TSHZ2: variants seen among roughly 807,000 people sequenced by gnomAD.
TSHZ2 encodes teashirt homolog 2.
TSHZ2 carries 21 observed loss-of-function variants against 74.4 expected under a neutral mutation model. That is an observed-to-expected ratio of 0.28 (90% CI 0.20 to 0.41). The LOEUF (loss-of-function observed/expected upper bound fraction) is 0.41, where lower values mean the gene tolerates loss of function less well. Ranked by LOEUF, TSHZ2 falls within the 10% of genes least tolerant of loss-of-function variation. TSHZ2 has a pLI of 1.00. For missense variants in TSHZ2, 1,244 were observed against 1,293.5 expected, an observed-to-expected ratio of 0.96 and a Z score of 0.59; for synonymous variants, 540 against 515.3, an observed-to-expected ratio of 1.05 and a Z score of -0.65.
At chr20:53,180,168 G>A (rs1329098349) in intron 1 of TSHZ2, among the ~76,000 whole-genome samples, 2 of 152,208 alleles carry the variant, frequency 1.3e-5, no homozygotes, top group Non-Finnish European at 2.9e-5. Flanking sequence ...GGGAGAAAGG[G>A]AGGGCTTTGG....
rs573266112 is a variant in TSHZ2 at position 53,097,772 on chromosome 20, C to T, written c.40+124439C>T. On this transcript the variant is annotated intron_variant, in intron 1 of 2. Coordinates refer to ENST00000371497, the MANE Select transcript of TSHZ2 (RefSeq NM_173485.6). ...CCTTCACCACTCCATGTGTGTCCCT[C>T]CCGAAGCTGCAAGCTCAGCTGAAGA... 1.7e-4 allele frequency: 26 copies of T among 154,470 alleles called. No individual in the cohort carries two copies. The East Asian group carries it at 3.9e-3, about 23-fold the overall frequency. The allele number at this position is 154,470 out of a possible 1,614,324, so 9.6% of individuals were successfully genotyped here.
intron 1 of TSHZ2, among the ~76,000 whole-genome samples, chr20:53,050,101 GTGTATATATA>G (rs1455537312): frequency 1.2e-4 from 7 of 60,462 alleles, no homozygotes; most frequent in African/African-American, 8.7e-4. Flanking sequence ...ATGTATATGT[GTGTATATATA>G]TATATATATA....
At chr20:53,096,224 C>A (rs1022986954) in intron 1 of TSHZ2, among the ~76,000 whole-genome samples, 4 of 152,332 alleles carry the variant, frequency 2.6e-5, no homozygotes, top group Admixed American at 6.5e-5. Context: ...TCACTGCAAC[C>A]TCTGCCTCTT....
At chr20:53,449,953 G>C (rs550789564) in intron 2 of TSHZ2, among the ~76,000 whole-genome samples, 2 of 152,246 alleles carry the variant, frequency 1.3e-5, no homozygotes, top group East Asian at 3.9e-4. Flanking sequence ...GTTCTCTAAG[G>C]TCAGAGACCA....
At chr20:52,977,601 C>T (rs184921650) in intron 1 of TSHZ2, among the ~76,000 whole-genome samples, 135 of 152,164 alleles carry the variant, frequency 8.9e-4, no homozygotes, top group African/African-American at 3.1e-3. Flanking sequence ...ACATTTTGGA[C>T]GGAAATTGAT....
intron 1 of TSHZ2, among the ~76,000 whole-genome samples, chr20:53,204,271 A>G (rs1162358161): frequency 7.2e-6 from 1 of 139,746 alleles, no homozygotes; most frequent in Admixed American, 7.2e-5. Flanking sequence ...ATGATACTAT[A>G]TCATCATATA....
chr20:53,225,204 C>A (rs925626642), intron 1 of TSHZ2, among the ~76,000 whole-genome samples: 1 of 152,226 alleles, frequency 6.6e-6, no homozygotes, highest in African/African-American at 2.4e-5. Flanking sequence ...TTATTGACTT[C>A]TTAAGGGAAA....
intron 1 of TSHZ2, among the ~76,000 whole-genome samples, chr20:53,132,141 A>G (rs1449260625): frequency 6.6e-6 from 1 of 152,008 alleles, no homozygotes; most frequent in Non-Finnish European, 1.5e-5. Flanking sequence ...CTGTTCTGAC[A>G]TGCCCTTTCC....
intron 2 of TSHZ2, among the ~76,000 whole-genome samples, chr20:53,436,135 T>A (rs1160473542): frequency 6.6e-6 from 1 of 152,030 alleles, no homozygotes; most frequent in East Asian, 1.9e-4. Context: ...ATGGCTGGGC[T>A]GTTTTTTGTG....
At chr20:53,116,056 C>G (rs1986657456) in intron 1 of TSHZ2, among the ~76,000 whole-genome samples, 1 of 152,142 alleles carries the variant, frequency 6.6e-6, no homozygotes, top group South Asian at 2.1e-4. Flanking sequence ...TGCATTACTT[C>G]TCTTCCTTAT....
chr20:53,235,815 A>C (rs886386662), intron 1 of TSHZ2, among the ~76,000 whole-genome samples: 6 of 152,210 alleles, frequency 3.9e-5, no homozygotes, highest in African/African-American at 1.4e-4. Flanking sequence ...GATTTTAGCA[A>C]TTGAGTTAGT....
chr20:53,242,247 G>A lies in TSHZ2; in HGVS notation c.41-11252G>A, dbSNP rs540788374. ...CTACCTGCCAGATACCAGCAACACC[G>A]CTTCTCTAGGTATAGCAACCAAAAA... On this transcript the variant is annotated intron_variant, in intron 1 of 2. Transcript: ENST00000371497. Among the ~76,000 whole-genome samples, 8 of 152,158 alleles carry A rather than the reference G, an allele frequency of 5.3e-5. No individual in the cohort carries two copies. The South Asian group carries it at 6.2e-4, about 12-fold the overall frequency.
At chr20:53,374,988 G>A (rs948061949) in intron 2 of TSHZ2, among the ~76,000 whole-genome samples, 1 of 150,050 alleles carries the variant, frequency 6.7e-6, no homozygotes, top group African/African-American at 2.5e-5. Context: ...TGAAACTATA[G>A]TTTTTATGGG....
intron 2 of TSHZ2, among the ~76,000 whole-genome samples, chr20:53,467,103 G>A (rs1193859338): frequency 1.3e-5 from 2 of 152,200 alleles, no homozygotes; most frequent in Non-Finnish European, 2.9e-5. Context: ...ACTGAGGAAG[G>A]CAGAGCTTCT....
intron 2 of TSHZ2, among the ~76,000 whole-genome samples, chr20:53,395,828 T>C (rs749810863): frequency 6.6e-6 from 1 of 152,180 alleles, no homozygotes; most frequent in Non-Finnish European, 1.5e-5. Context: ...GGTCAACCTA[T>C]GGAATGTTAA....
At chr20:53,368,600 T>C (rs1949689891) in intron 2 of TSHZ2, among the ~76,000 whole-genome samples, 1 of 152,184 alleles carries the variant, frequency 6.6e-6, no homozygotes. Flanking sequence ...CGTGAGCCTG[T>C]GCACCTGGCC....
At chr20:53,217,010 C>A (rs1461225973) in intron 1 of TSHZ2, among the ~76,000 whole-genome samples, 2 of 152,140 alleles carry the variant, frequency 1.3e-5, no homozygotes, top group Non-Finnish European at 2.9e-5. Context: ...CCTGAGCGGG[C>A]CCGTTTGTTA....
chr20:53,286,886 T>TACACACACACAC (rs71194467), intron 2 of TSHZ2, among the ~76,000 whole-genome samples: 41 of 139,532 alleles, frequency 2.9e-4, no homozygotes, highest in African/African-American at 1.0e-3. Flanking sequence ...GTCTCAAAAA[T>TACACACACACAC]ACACACACAC....
intron 1 of TSHZ2, among the ~76,000 whole-genome samples, chr20:53,035,628 A>G (rs17328948): frequency 0.07 from 10,639 of 152,266 alleles, 410 homozygotes; most frequent in African/African-American, 0.089. Flanking sequence ...TTATTCAACT[A>G]GAATTTGCCA....
Sources: gnomAD v4.1 joint callset for allele counts (sites outside exome capture counted in the v4.1 genomes callset) on GRCh38, gnomAD v4.1.1 for gene constraint, MANE v1.5 for transcripts, NCBI Gene and HGNC (gene_info 2026-07-23, HGNC 2026-07-21) for gene names.